Variants in ICE1 observed in about 807,000 individuals in gnomAD.
The protein encoded by ICE1 is little elongation complex subunit 1.
ICE1 carries 64 observed loss-of-function variants against 192.7 expected under a neutral mutation model. The observed-to-expected ratio is 0.33, with a 90% CI of 0.27 to 0.41. The LOEUF (loss-of-function observed/expected upper bound fraction) is 0.41. Ranked by LOEUF, ICE1 falls within the 10% of genes least tolerant of loss-of-function variation. The pLI is 1.00. For synonymous variants in ICE1, 1,010 were observed against 984.5 expected (o/e 1.03, Z -0.49); for missense variants, 2,708 against 2,696.0 (o/e 1.00, Z -0.10).
Position 5,461,075 on chromosome 5 carries a change from G to A in ICE1, c.1741G>A (p.Val581Ile), listed in dbSNP as rs1270801298. Residue 581 changes from valine (V) to isoleucine (I), a missense_variant, in exon 13 of 19, where the codon GTT becomes ATT. Transcript: ENST00000296564. The stretch of plus-strand genomic sequence containing the variant: ...CACTTCTGAACCAGACCGTATCACA[G>A]TTTCTGGCCATTTTCACAGACTATC... ...EITSEPDRIT[V>I]SGHFHRLSRE... 1 of 1,614,030 alleles carries A rather than the reference G, an allele frequency of 6.2e-7. No homozygotes were observed. The highest frequency in any genetic ancestry group is 8.5e-7 in the Non-Finnish European group (1 of 1,179,904).
chr5:5,487,539 G>A (rs1739667876), intron 18 of ICE1, among the ~76,000 whole-genome samples: 1 of 152,114 alleles, frequency 6.6e-6, no homozygotes, highest in Non-Finnish European at 1.5e-5. Context: ...TGTATATTTA[G>A]CTTAATGAGA....
chr5:5,438,620 T>A (rs1249699644), intron 3 of ICE1, among the ~76,000 whole-genome samples: 1 of 152,198 alleles, frequency 6.6e-6, no homozygotes, highest in Non-Finnish European at 1.5e-5. Context: ...AGTTCCAGTA[T>A]TAGGAGAGTA....
intron 1 of ICE1, among the ~76,000 whole-genome samples, chr5:5,423,955 TTAGC>T (rs1295720145): frequency 6.6e-6 from 1 of 152,176 alleles, no homozygotes; most frequent in Non-Finnish European, 1.5e-5. Flanking sequence ...GTCTTGTCTC[TTAGC>T]TAGAGTAGTC....
chr5:5,461,357 T>G lies in ICE1; in HGVS notation c.2023T>G (p.Leu675Val). The G allele has an allele frequency of 6.2e-7, 1 of 1,613,866 alleles. No individual in the cohort carries two copies. Residue 675 changes from leucine (L) to valine (V), a missense_variant, in exon 13 of 19, where the codon TTG becomes GTG. This residue lies in a region of ICE1 where 2,366 missense variants were observed against 2,276.6 expected (regional missense o/e 1.04). Transcript: ENST00000296564. ...TGAACCGCATCATTCAGAACATAAA[T>G]TGCAAACTAAAACTTTAAACACATT... ...STEPHHSEHK[L>V]QTKTLNTLHL...
intron 10 of ICE1, among the ~76,000 whole-genome samples, chr5:5,451,189 A>G (rs557673541): frequency 1.3e-5 from 2 of 152,310 alleles, no homozygotes; most frequent in African/African-American, 2.4e-5. Context: ...TAACAGAGAA[A>G]ATAAGAATTG....
intron 15 of ICE1, among the ~76,000 whole-genome samples, chr5:5,472,251 AT>A (rs1447852814): frequency 2.6e-5 from 4 of 152,216 alleles, no homozygotes; most frequent in Non-Finnish European, 5.9e-5. Flanking sequence ...CAACTCTTGA[AT>A]GTAGAACATG....
At chr5:5,469,918 G>A (rs908503366) in intron 15 of ICE1, among the ~76,000 whole-genome samples, 1 of 152,208 alleles carries the variant, frequency 6.6e-6, no homozygotes, top group East Asian at 1.9e-4. Context: ...CCTACTAATG[G>A]ATACCAGCAA....
At chr5:5,474,078 T>C (rs754867862) in intron 16 of ICE1, among the ~76,000 whole-genome samples, 1 of 151,772 alleles carries the variant, frequency 6.6e-6, no homozygotes. Context: ...GGCGTGGTGG[T>C]GGGCGCCTGT....
At chr5:5,454,752 G>T (rs1561083961) in intron 11 of ICE1, 114 bp downstream of exon 11, 3 of 664,146 alleles carry the variant, frequency 4.5e-6, no homozygotes, top group Non-Finnish European at 7.7e-6. Flanking sequence ...AAAGAATGAA[G>T]TAAACTAGAA....
chr5:5,444,466 C>A, intron 7 of ICE1, 140 bp downstream of exon 7: 1 of 584,490 alleles, frequency 1.7e-6, no homozygotes, highest in Non-Finnish European at 3.0e-6. Context: ...ATCAAGGGGT[C>A]TATTAGAAAG....
At chr5:5,449,908 C>G (rs1738362864) in intron 10 of ICE1, among the ~76,000 whole-genome samples, 1 of 152,196 alleles carries the variant, frequency 6.6e-6, no homozygotes, top group Admixed American at 6.5e-5. Context: ...TTTATATACT[C>G]CATGTAAACC....
rs141635891 is a variant in ICE1, at chr5:5,484,904, C to T, written c.6521-1817C>T. Among the ~76,000 whole-genome samples, 340 of 152,252 alleles carry T rather than the reference C, an allele frequency of 2.2e-3. 1 individual carries two copies. The highest frequency in any genetic ancestry group is 0.011 in the Admixed American group (161 of 15,286). ...TGTAAAAGCACATCCAAGATATGTT[C>T]GCAATTCTCCTACTTAGGAGTCAAA... On this transcript the variant is annotated intron_variant, in intron 17 of 18. Transcript: ENST00000296564.
rs545228990 is a variant in ICE1 at position 5,473,836 on chromosome 5, G to A, written c.6413+88G>A. The A allele has an allele frequency of 1.4e-4, 129 of 940,502 alleles. No homozygotes were observed. The African/African-American group carries it at 1.8e-3, about 13-fold the overall frequency. The allele number at this position is 940,502 out of a possible 1,614,324, so 58.3% of individuals were successfully genotyped here. A position where few individuals can be genotyped will look rare whatever the true frequency, so the allele number is the denominator to read the frequency against. On this transcript the variant is annotated intron_variant, in intron 16 of 18. Transcript: ENST00000296564. The stretch of plus-strand genomic sequence containing the variant: ...AATTGTGGCTTGAATCATTTTTGTC[G>A]TTTAAGTGTGTAAGGCAGATGAAAC...
chr5:5,485,354 T>C (rs982439625), intron 17 of ICE1, among the ~76,000 whole-genome samples: 1 of 152,132 alleles, frequency 6.6e-6, no homozygotes, highest in African/African-American at 2.4e-5. Flanking sequence ...CTTTGTACTG[T>C]CTGGTTTGAT....
intron 16 of ICE1, among the ~76,000 whole-genome samples, chr5:5,474,750 T>A (rs887144923): frequency 6.6e-6 from 1 of 152,154 alleles, no homozygotes; most frequent in African/African-American, 2.4e-5. Flanking sequence ...GCATCAAAGG[T>A]TTGATAATCC....
At chr5:5,479,979 T>C (rs1416113515) in intron 17 of ICE1, among the ~76,000 whole-genome samples, 1 of 152,126 alleles carries the variant, frequency 6.6e-6, no homozygotes, top group Non-Finnish European at 1.5e-5. Flanking sequence ...GACAAATACC[T>C]GTGGGACTTA....
intron 10 of ICE1, among the ~76,000 whole-genome samples, chr5:5,453,908 A>C (rs1207895153): frequency 1.3e-5 from 2 of 152,166 alleles, no homozygotes; most frequent in East Asian, 1.9e-4. Context: ...TAAAAATTCC[A>C]AAGGTTTTAC....
Position 5,489,356 on chromosome 5 carries a change from A to G in ICE1, c.*26A>G, listed in dbSNP as rs1739725526. On this transcript the variant is annotated 3_prime_UTR_variant, in exon 19 of 19. Transcript: ENST00000296564. Reference sequence around the variant, plus strand: ...CCTGGGATGCCACTGAGGCTTGAGAAGTGCCTTGACACATTTTGAACACAA... The same window carrying G: ...CCTGGGATGCCACTGAGGCTTGAGAGGTGCCTTGACACATTTTGAACACAA... The G allele has an allele frequency of 6.4e-7, 1 of 1,571,126 alleles. No homozygotes were observed. The highest frequency in any genetic ancestry group is 8.6e-7 in the Non-Finnish European group (1 of 1,160,116).
chr5:5,425,111 C>A (rs1395975458), intron 1 of ICE1, among the ~76,000 whole-genome samples: 2 of 152,146 alleles, frequency 1.3e-5, no homozygotes, highest in African/African-American at 2.4e-5. Context: ...TTTCTCATAA[C>A]CTGTATCCAG....
Sources: allele counts gnomAD v4.1 joint callset (sites outside exome capture counted in the v4.1 genomes callset), GRCh38; gene constraint gnomAD v4.1.1; regional missense constraint gnomAD v4.1.1; transcripts MANE v1.5; gene names NCBI Gene and HGNC (gene_info 2026-07-23, HGNC 2026-07-21).